ZNF418: variants seen among roughly 807,000 people sequenced by gnomAD.
ZNF418 encodes the protein zinc finger protein 418.
A neutral mutation model predicts 32.0 loss-of-function variants in ZNF418; 32 were observed. The observed-to-expected ratio is 1.00, with a 90% confidence interval of 0.75 to 1.34. ZNF418 has a LOEUF of 1.34. Ranked by LOEUF, ZNF418 falls within the 40% of genes most tolerant of loss-of-function variation. ZNF418 has a pLI of 0.00. For synonymous variants in ZNF418, 276 were observed against 270.7 expected, an observed-to-expected ratio of 1.02 and a Z score of -0.19; for missense variants, 804 against 812.5, an observed-to-expected ratio of 0.99 and a Z score of 0.13.
chr19:57,935,158 T>G lies in ZNF418; in HGVS notation c.-81+3A>C, dbSNP rs2072646341. 1 of 1,307,662 alleles carries G rather than the reference T, an allele frequency of 7.6e-7. No individual in the cohort carries two copies. Among genetic ancestry groups the G allele is most frequent in the East Asian group, 4.9e-5 (1 of 20,596 alleles). The allele number at this position is 1,307,662 out of a possible 1,614,324, so 81.0% of individuals were successfully genotyped here. On this transcript the variant is annotated splice_donor_region_variant and intron_variant, in intron 1 of 5. Transcript: ENST00000396147. Reference sequence around the variant, plus strand: ...GACCTGAGGGCAGGGAAGGCACAATTACCTGAGCCGGGAGCCTCAGCGCGG... The same window carrying G: ...GACCTGAGGGCAGGGAAGGCACAATGACCTGAGCCGGGAGCCTCAGCGCGG...
rs574666968 is a variant in ZNF418 at position 57,933,955 on chromosome 19, C to T, written c.-80-53G>A. ...TCACCTCCTCGCCGCCCTCTTGCCTCCCCACCGAATTTTTACCTCTAAGCA... is the reference window on the plus strand; with the variant it reads ...TCACCTCCTCGCCGCCCTCTTGCCTTCCCACCGAATTTTTACCTCTAAGCA... On this transcript the variant is annotated intron_variant, in intron 1 of 5. Transcript: ENST00000396147. The T allele has an allele frequency of 6.6e-5, 106 of 1,598,160 alleles. 1 individual carries two copies. The South Asian group carries it at 1.1e-3, about 17-fold the overall frequency.
intron 1 of ZNF418, 145 bp downstream of exon 1, chr19:57,935,016 G>A: frequency 7.0e-7 from 1 of 1,421,648 alleles, no homozygotes; most frequent in Non-Finnish European, 9.3e-7. Context: ...TCCCACAGGT[G>A]TCAGAAACAA....
At chr19:57,931,169 G>A (rs529055178) in intron 2 of ZNF418, among the ~76,000 whole-genome samples, 154 of 152,176 alleles carry the variant, frequency 1.0e-3, no homozygotes, top group Non-Finnish European at 2.1e-3. Context: ...CAGTTGCCTG[G>A]GTCCATTAGA....
rs1219562149 is a variant in ZNF418 at position 57,927,655 on chromosome 19, G to A, written c.526C>T (p.Leu176=). The change falls in exon 4 of 6, where the codon CTG becomes TTG. Residue 176 remains leucine, a synonymous_variant. Coordinates refer to ENST00000396147, the MANE Select transcript of ZNF418 (RefSeq NM_133460.3). ...TCCCCAGTGTGAGTGGCCTCCTGCA[G>A]CAGTAATCCTGAGCTGGGCAAAAAG... ...KDFLPSSGLL[L]QEATHTGEKS... is the part of the protein sequence containing the mutation. 6.2e-7 allele frequency: 1 copy of A among 1,613,956 alleles called. No individual in the cohort carries two copies. The highest frequency in any genetic ancestry group is 2.2e-5 in the East Asian group (1 of 44,898).
rs189455513 is a variant in ZNF418 at position 57,935,152 on chromosome 19, C to T, written c.-81+9G>A. On this transcript the variant is annotated intron_variant, in intron 1 of 5. Transcript: ENST00000396147. The stretch of plus-strand genomic sequence containing the variant: ...TGAGGTGACCTGAGGGCAGGGAAGG[C>T]ACAATTACCTGAGCCGGGAGCCTCA... 38 of 1,317,290 alleles carry T rather than the reference C, an allele frequency of 2.9e-5. No individual in the cohort carries two copies. The East Asian group carries it at 1.2e-3, about 42-fold the overall frequency. The allele number at this position is 1,317,290 out of a possible 1,614,324, so 81.6% of individuals were successfully genotyped here.
intron 4 of ZNF418, among the ~76,000 whole-genome samples, chr19:57,925,394 G>A (rs1378572643): frequency 2.0e-5 from 3 of 151,900 alleles, no homozygotes; most frequent in Admixed American, 6.6e-5. Flanking sequence ...CCGGGAGGCG[G>A]AGCTTGCAGT....
At position 57,925,792 on chromosome 19, in the gene ZNF418, G is replaced by A. The variant is rs1016626929; in HGVS notation, c.*358C>T. 4.7e-6 allele frequency: 1 copy of A among 210,624 alleles called. No individual in the cohort carries two copies. The highest frequency in any genetic ancestry group is 1.1e-4 in the East Asian group (1 of 9,476). 13.0% of individuals were successfully genotyped at this position (210,624 alleles called of 1,614,324 possible). ...CCGGCAGGGTGAAAAATGCCACACA[G>A]CTCCAACATAATTGAGTTTATGCAG... On this transcript the variant is annotated 3_prime_UTR_variant, in exon 4 of 6. Transcript: ENST00000396147.
intron 2 of ZNF418, among the ~76,000 whole-genome samples, chr19:57,933,063 A>G (rs1408134518): frequency 1.3e-5 from 2 of 152,164 alleles, no homozygotes; most frequent in Admixed American, 1.3e-4. Context: ...GGCCCCCACA[A>G]AAGATTTACC....
chr19:57,929,661 A>C (rs983095843), intron 3 of ZNF418, among the ~76,000 whole-genome samples: 1 of 151,818 alleles, frequency 6.6e-6, no homozygotes, highest in African/African-American at 2.4e-5. Flanking sequence ...ACAGGAAAGG[A>C]AACTAATTAC....
chr19:57,923,561 CACACATAT>C (rs1419077695), intron 4 of ZNF418, among the ~76,000 whole-genome samples: 2 of 150,506 alleles, frequency 1.3e-5, no homozygotes, highest in African/African-American at 2.5e-5. Flanking sequence ...CACACACACA[CACACATAT>C]ATACACATAT....
In ZNF418 at chr19:57,930,675, A is replaced by T. The variant is rs2072449736; in HGVS notation, c.7-121T>A. On this transcript the variant is annotated intron_variant, in intron 2 of 5. Transcript: ENST00000396147. ...TCCCAAGATCCTCAGCACAGAGGAG[A>T]AACTAGTCCACTGGTGCCTTTGTCT... 1.1e-5 allele frequency: 16 copies of T among 1,419,286 alleles called. No homozygotes were observed. The South Asian group carries it at 2.1e-4, about 19-fold the overall frequency. 87.9% of individuals were successfully genotyped at this position (1,419,286 alleles called of 1,614,324 possible).
In ZNF418 at chr19:57,922,641, GA is replaced by G; in HGVS notation, c.*626-13del. The G allele has an allele frequency of 2.5e-6, 1 of 398,458 alleles. No individual in the cohort carries two copies. Among genetic ancestry groups the G allele is most frequent in the Non-Finnish European group, 4.4e-6 (1 of 226,014 alleles). 24.7% of individuals were successfully genotyped at this position (398,458 alleles called of 1,614,324 possible). ...TGCCCTTGAGATCCCTGAAAAGAAA[GA>G]AAATTCAGTTATACATTTGATACTT... On this transcript the variant is annotated splice_polypyrimidine_tract_variant and intron_variant, in intron 5 of 5. Transcript: ENST00000396147.
intron 4 of ZNF418, among the ~76,000 whole-genome samples, chr19:57,924,215 C>T (rs1335010969): frequency 6.6e-6 from 1 of 152,008 alleles, no homozygotes; most frequent in East Asian, 1.9e-4. Context: ...ACAAAATCTC[C>T]TCATGTCCTA....
chr19:57,931,734 G>A (rs2072495807), intron 2 of ZNF418, among the ~76,000 whole-genome samples: 1 of 151,696 alleles, frequency 6.6e-6, no homozygotes, highest in South Asian at 2.1e-4. Context: ...TCTTACGTAT[G>A]TGCAACATCA....
chr19:57,927,522 T>C lies in ZNF418; in HGVS notation c.659A>G (p.Gln220Arg), dbSNP rs2072292626. The part of the protein sequence containing the change: ...KHSSTKHVFV[Q>R]QQRLPSREEC... Reference sequence around the variant, plus strand: ...CTCTCTAGAGGGAAGTCTCTGCTGTTGAACAAATACGTGTTTGGTGCTAGA... The same window carrying C: ...CTCTCTAGAGGGAAGTCTCTGCTGTCGAACAAATACGTGTTTGGTGCTAGA... The change falls in exon 4 of 6, where the codon CAA (glutamine) becomes CGA (arginine). Residue 220 changes from glutamine (Q) to arginine (R), a missense_variant. Transcript: ENST00000396147. 1.2e-6 allele frequency: 2 copies of C among 1,614,262 alleles called. No homozygotes were observed. Among genetic ancestry groups the C allele is most frequent in the African/African-American group, 1.3e-5 (1 of 75,064 alleles).
chr19:57,930,032 G>C (rs1452266130), intron 3 of ZNF418, among the ~76,000 whole-genome samples: 1 of 152,224 alleles, frequency 6.6e-6, no homozygotes, highest in Admixed American at 6.5e-5. Context: ...TATGTAGGCA[G>C]TGACAACGGG....
At position 57,925,983 on chromosome 19, in the gene ZNF418, A is replaced by ACT; in HGVS notation, c.*165_*166dup. The ACT allele has an allele frequency of 1.7e-6, 1 of 603,318 alleles. No individual in the cohort carries two copies. Among genetic ancestry groups the ACT allele is most frequent in the Non-Finnish European group, 2.9e-6 (1 of 345,124 alleles). The allele number at this position is 603,318 out of a possible 1,614,324, so 37.4% of individuals were successfully genotyped here. Reference sequence around the variant, plus strand: ...CAGAAGGCTTTCTCACATTCATCGCACTCAAGAGGCCCTTCTGCAGTGGGA... The same window carrying ACT: ...CAGAAGGCTTTCTCACATTCATCGCACTCTCAAGAGGCCCTTCTGCAGTGGGA... On this transcript the variant is annotated 3_prime_UTR_variant, in exon 4 of 6. Coordinates refer to ENST00000396147, the MANE Select transcript of ZNF418 (RefSeq NM_133460.3).
At position 57,926,219 on chromosome 19, in the gene ZNF418, T is replaced by C; in HGVS notation, c.1962A>G (p.Lys654=). Residue 654 remains lysine, a synonymous_variant, in exon 4 of 6, where the codon AAA becomes AAG. Coordinates refer to ENST00000396147, the MANE Select transcript of ZNF418 (RefSeq NM_133460.3). ...ERPYECSECG[K]SFHRSSSLLR... is the part of the protein sequence containing the mutation. ...GGAGAGAAGAGCTTCGATGAAATGATTTTCCACATTCACTGCACTCATAAG... is the reference window on the plus strand; with the variant it reads ...GGAGAGAAGAGCTTCGATGAAATGACTTTCCACATTCACTGCACTCATAAG... 1 of 1,613,940 alleles carries C rather than the reference T, an allele frequency of 6.2e-7. No individual in the cohort carries two copies. Among genetic ancestry groups the C allele is most frequent in the Non-Finnish European group, 8.5e-7 (1 of 1,179,890 alleles).
intron 3 of ZNF418, 33 bp downstream of exon 3, chr19:57,930,395 T>G (rs777469800): frequency 6.2e-7 from 1 of 1,613,566 alleles, no homozygotes; most frequent in South Asian, 1.1e-5. Context: ...CAGAGATCTA[T>G]TCAGGAAATA....
Sources: allele counts gnomAD v4.1 joint callset (sites outside exome capture counted in the v4.1 genomes callset), GRCh38; gene constraint gnomAD v4.1.1; transcripts MANE v1.5; gene names NCBI Gene and HGNC (gene_info 2026-07-23, HGNC 2026-07-21).